Variants in DGKD observed in about 807,000 individuals in gnomAD.
DGKD encodes the protein diacylglycerol kinase delta, also known as DAG kinase delta.
In DGKD, 68 loss-of-function variants were observed where a neutral mutation model predicts 154.4. That is an observed-to-expected ratio of 0.44 (90% CI 0.36 to 0.54). The LOEUF (loss-of-function observed/expected upper bound fraction) is 0.54, where lower values mean the gene tolerates loss of function less well. Ranked by LOEUF, DGKD falls within the 20% of genes least tolerant of loss-of-function variation. The pLI is 0.00. For missense variants in DGKD, 1,343 were observed against 1,593.6 expected, an observed-to-expected ratio of 0.84 and a Z score of 2.68; for synonymous variants, 693 against 638.0, an observed-to-expected ratio of 1.09 and a Z score of -1.30.
Position 233,445,547 on chromosome 2 carries a change from C to G in DGKD, c.1195-76C>G. 6.6e-7 allele frequency: 1 copy of G among 1,512,510 alleles called. No individual in the cohort carries two copies. Among genetic ancestry groups the G allele is most frequent in the Non-Finnish European group, 8.9e-7 (1 of 1,128,484 alleles). 93.7% of individuals were successfully genotyped at this position (1,512,510 alleles called of 1,614,324 possible). The stretch of plus-strand genomic sequence containing the variant: ...CTAACGTAACCCTCACGGTGGGGGA[C>G]AAGGAGGGCTGCGGGCTGGGAAGTG... On this transcript the variant is annotated intron_variant, in intron 10 of 29. Transcript: ENST00000264057. This position sits in a 1 kb window ranked among gnomAD's most constrained non-coding sequence, Gnocchi z 5.5.
chr2:233,400,742 A>G (rs1486476353), intron 3 of DGKD, among the ~76,000 whole-genome samples: 1 of 151,998 alleles, frequency 6.6e-6, no homozygotes, highest in Non-Finnish European at 1.5e-5. Context: ...GCACAGCTGG[A>G]GGGCAAGGCC....
intron 1 of DGKD, among the ~76,000 whole-genome samples, chr2:233,366,420 A>C (rs150926653): frequency 1.9e-4 from 29 of 151,984 alleles, no homozygotes; most frequent in African/African-American, 7.0e-4. Flanking sequence ...GAACTCAGTG[A>C]TGGTTTGGTG....
At chr2:233,374,099 G>A (rs1702455217) in intron 1 of DGKD, among the ~76,000 whole-genome samples, 1 of 151,908 alleles carries the variant, frequency 6.6e-6, no homozygotes, top group Non-Finnish European at 1.5e-5. Flanking sequence ...CACCCAGGCT[G>A]GAGTGCAGTG....
Position 233,459,797 on chromosome 2 carries a change from T to A in DGKD, c.2735T>A (p.Val912Glu). Reference protein sequence around the residue: ...VKISILGDEGVPVQVDGEAWV... With the variant: ...VKISILGDEGEPVQVDGEAWV... ...ATCTCCATCCTTGGGGATGAGGGCG[T>A]GCCTGTGCAGGTGGACGGAGAGGCC... Residue 912 changes from valine (V) to glutamate (E), a missense_variant, in exon 23 of 30, where the codon GTG becomes GAG. By Grantham distance (121) the Val-to-Glu change is moderately radical. Around this residue, in one of 6 missense-constraint regions of DGKD, gnomAD observed 429 missense variants for 496.3 expected, o/e 0.86. Transcript: ENST00000264057. The surrounding 1 kb of genome is among the most constrained non-coding windows in gnomAD (Gnocchi z 5.7). 6.2e-7 allele frequency: 1 copy of A among 1,613,660 alleles called. No individual in the cohort carries two copies. Among genetic ancestry groups the A allele is most frequent in the Non-Finnish European group, 8.5e-7 (1 of 1,179,882 alleles).
chr2:233,456,889 C>G lies in DGKD; in HGVS notation c.2376-10C>G, dbSNP rs766774618. ...CCAGACCTATGGCAAGTCTTTGCTT[C>G]TGTTTCTAGGAGCCGAACCAAGAAC... On this transcript the variant is annotated splice_polypyrimidine_tract_variant and intron_variant, in intron 19 of 29. Transcript: ENST00000264057. 6.2e-7 allele frequency: 1 copy of G among 1,611,668 alleles called. No homozygotes were observed. The highest frequency in any genetic ancestry group is 8.5e-7 in the Non-Finnish European group (1 of 1,177,828).
chr2:233,379,158 G>A (rs1702750662), intron 1 of DGKD, among the ~76,000 whole-genome samples: 1 of 152,198 alleles, frequency 6.6e-6, no homozygotes, highest in Non-Finnish European at 1.5e-5. Context: ...GCAAAGCGGT[G>A]ATAGCTAGTT....
At chr2:233,398,333 G>C (rs1371892650) in intron 3 of DGKD, among the ~76,000 whole-genome samples, 2 of 151,806 alleles carry the variant, frequency 1.3e-5, no homozygotes, top group Non-Finnish European at 2.9e-5. Context: ...TTTTAGTAGA[G>C]ACGGGGTTTC....
chr2:233,372,691 A>G (rs564585490), intron 1 of DGKD, among the ~76,000 whole-genome samples: 5 of 151,644 alleles, frequency 3.3e-5, no homozygotes, highest in Non-Finnish European at 7.4e-5. Context: ...GTGTTTTTAT[A>G]TCTAACTAGT....
At chr2:233,363,417 G>A (rs1254465218) in intron 1 of DGKD, among the ~76,000 whole-genome samples, 1 of 152,154 alleles carries the variant, frequency 6.6e-6, no homozygotes, top group Non-Finnish European at 1.5e-5. Flanking sequence ...TGTACAGTGT[G>A]TGTTTCAAGC....
At chr2:233,388,073 G>A in intron 1 of DGKD, 184 bp from the exon 2 acceptor site, 1 of 1,373,458 alleles carries the variant, frequency 7.3e-7, no homozygotes, top group South Asian at 1.5e-5. Context: ...CAGGATTGGT[G>A]CAACCCCCCA....
At chr2:233,439,644 C>G (rs1407191260) in intron 9 of DGKD, among the ~76,000 whole-genome samples, 1 of 152,162 alleles carries the variant, frequency 6.6e-6, no homozygotes, top group Non-Finnish European at 1.5e-5. Flanking sequence ...TCACAGCAGC[C>G]TCAACCTCCT....
chr2:233,392,619 C>T (rs570700963), intron 3 of DGKD, among the ~76,000 whole-genome samples: 16 of 152,154 alleles, frequency 1.1e-4, no homozygotes, highest in Non-Finnish European at 2.2e-4. Flanking sequence ...TTTATGTTTT[C>T]TGCAACATTT....
chr2:233,395,886 A>G, intron 3 of DGKD, among the ~76,000 whole-genome samples: 1 of 152,090 alleles, frequency 6.6e-6, no homozygotes, highest in East Asian at 1.9e-4. Context: ...CCATATGGTG[A>G]CATCCTTTTT....
At chr2:233,398,581 T>C (rs1373709013) in intron 3 of DGKD, among the ~76,000 whole-genome samples, 1 of 152,238 alleles carries the variant, frequency 6.6e-6, no homozygotes, top group Non-Finnish European at 1.5e-5. Flanking sequence ...CCCTGATTTA[T>C]TAAACTTTGT....
rs201489744 is a variant in DGKD at position 233,449,951 on chromosome 2, G to A, written c.1889-31G>A. On this transcript the variant is annotated intron_variant, in intron 15 of 29. Transcript: ENST00000264057. This position sits in a 1 kb window ranked among gnomAD's most constrained non-coding sequence, Gnocchi z 5.3. ...ACAGCGCCCTTGGCTTTGCACCCGC[G>A]TGCTCAGCCGCACACACTCTCCTTG... 30 of 1,548,574 alleles carry A rather than the reference G, an allele frequency of 1.9e-5. No individual in the cohort carries two copies. The highest frequency in any genetic ancestry group is 3.8e-5 in the Admixed American group (2 of 52,072).
At chr2:233,425,152 T>A (rs116296747) in intron 3 of DGKD, among the ~76,000 whole-genome samples, 2,653 of 152,218 alleles carry the variant, frequency 0.017, 81 homozygotes, top group African/African-American at 0.061. Flanking sequence ...CTTTTTTTTT[T>A]AATCCTTAAC....
chr2:233,367,851 C>CT lies in DGKD; in HGVS notation c.156+13196dup, dbSNP rs66652929. Among the ~76,000 whole-genome samples the CT allele has an allele frequency of 4.5e-3, 562 of 124,064 alleles. 7 individuals are homozygous for CT. Among genetic ancestry groups the CT allele is most frequent in the East Asian group, 6.2e-3 (27 of 4,358 alleles). The allele number at this position is 124,064 out of a possible 152,430, so 81.4% of individuals were successfully genotyped here. A position where few individuals can be genotyped will look rare whatever the true frequency, so the allele number is the denominator to read the frequency against. ...GGTCTTTTCTTCCTCTTTTTTTTTT[C>CT]TTTTTTTTTTTTTTTTTTTAATAGA... On this transcript the variant is annotated intron_variant, in intron 1 of 29. Coordinates refer to ENST00000264057, the MANE Select transcript of DGKD (RefSeq NM_152879.3).
At chr2:233,466,743 A>G (rs1405831439) in intron 27 of DGKD, among the ~76,000 whole-genome samples, 2 of 152,242 alleles carry the variant, frequency 1.3e-5, no homozygotes, top group African/African-American at 4.8e-5. Flanking sequence ...ACACTAGAAG[A>G]TTGGCTAAAG....
intron 3 of DGKD, among the ~76,000 whole-genome samples, chr2:233,404,674 A>C (rs1009036878): frequency 1.3e-5 from 2 of 152,204 alleles, no homozygotes; most frequent in African/African-American, 4.8e-5. Context: ...GAGGATTGGC[A>C]TGTCACATAA....
Sources: gnomAD v4.1 joint callset for allele counts (sites outside exome capture counted in the v4.1 genomes callset) on GRCh38, gnomAD v4.1.1 for gene constraint, gnomAD v4.1.1 regional missense constraint, Gnocchi (gnomAD v3.1) non-coding constraint, MANE v1.5 for transcripts, NCBI Gene and HGNC (gene_info 2026-07-23, HGNC 2026-07-21) for gene names.